The following CCDC70 variants were observed in gnomAD, a reference collection of about 807,000 sequenced individuals.
CCDC70 encodes coiled-coil domain-containing protein 70.
CCDC70 carries 4 observed loss-of-function variants against 9.1 expected under a neutral mutation model. The ratio of observed to expected loss-of-function variants is 0.44; its 90% CI spans 0.22 to 1.00. The LOEUF (loss-of-function observed/expected upper bound fraction) is 1.00, where lower values mean the gene tolerates loss of function less well. CCDC70 is among the 50% of genes least tolerant of loss of function. The probability of loss-of-function intolerance (pLI) is 0.25; values close to 1 mark genes in which losing one functional copy is unlikely to be tolerated. For missense variants in CCDC70, 308 were observed against 271.3 expected, an observed-to-expected ratio of 1.14 and a Z score of -0.95; for synonymous variants, 119 against 94.0, an observed-to-expected ratio of 1.27 and a Z score of -1.54.
At chr13:51,863,452 C>G (rs1020041563) in intron 1 of CCDC70, among the ~76,000 whole-genome samples, 1 of 152,126 alleles carries the variant, frequency 6.6e-6, no homozygotes, top group Non-Finnish European at 1.5e-5. Context: ...CTGGCCTGAC[C>G]TGGCTGTCAT....
At chr13:51,865,175 C>G (rs563582262) in intron 1 of CCDC70, among the ~76,000 whole-genome samples, 157 bp from the exon 2 acceptor site, 2 of 152,338 alleles carry the variant, frequency 1.3e-5, no homozygotes, top group Admixed American at 1.3e-4. Context: ...AAGCCATGAC[C>G]ACCCCACATG....
At chr13:51,864,867 T>C (rs887663428) in intron 1 of CCDC70, among the ~76,000 whole-genome samples, 1 of 152,156 alleles carries the variant, frequency 6.6e-6, no homozygotes, top group African/African-American at 2.4e-5. Flanking sequence ...ACTCCTCTCC[T>C]AAAATACACT....
chr13:51,863,672 GACACAC>G (rs35041555), intron 1 of CCDC70, among the ~76,000 whole-genome samples: 15,717 of 134,188 alleles, frequency 0.12, 854 homozygotes, highest in African/African-American at 0.13. Context: ...CGCGCACACA[GACACAC>G]ACACACACAC....
Position 51,866,074 on chromosome 13 carries a change from G to C in CCDC70, c.663G>C (p.Arg221Ser). ...GCTTGCTGGCCTTCTCCCGAGGCAG[G>C]GCGTAGCCAGCATGCAGGTGCAGGG... ...GQRLLAFSRG[R>S]A Residue 221 changes from arginine (R) to serine (S), a missense_variant, in exon 2 of 2, where the codon AGG (arginine) becomes AGC (serine). Coordinates refer to ENST00000242819, the MANE Select transcript of CCDC70 (RefSeq NM_031290.4). 2.5e-6 allele frequency: 4 copies of C among 1,569,830 alleles called. No individual in the cohort carries two copies. Among genetic ancestry groups the C allele is most frequent in the Non-Finnish European group, 3.4e-6 (4 of 1,160,840 alleles).
intron 1 of CCDC70, among the ~76,000 whole-genome samples, chr13:51,862,461 A>T (rs1219932521): frequency 6.6e-6 from 1 of 152,154 alleles, no homozygotes; most frequent in African/African-American, 2.4e-5. Flanking sequence ...TTTCTTTCTT[A>T]AAGAAAGTTT....
chr13:51,866,045 C>G lies in CCDC70; in HGVS notation c.634C>G (p.Gln212Glu). 6.3e-7 allele frequency: 1 copy of G among 1,597,562 alleles called. No homozygotes were observed. The highest frequency in any genetic ancestry group is 1.1e-5 in the South Asian group (1 of 88,706). The change falls in exon 2 of 2, where the codon CAG (glutamine) becomes GAG (glutamate). Residue 212 changes from glutamine (Q) to glutamate (E), a missense_variant. Physicochemically the swap from Gln to Glu is conservative, Grantham distance 29. Coordinates refer to ENST00000242819, the MANE Select transcript of CCDC70 (RefSeq NM_031290.4). ...TGGGCCCCACAACGCCAACAGAGGG[C>G]AGCGCTTGCTGGCCTTCTCCCGAGG... ...EDGPHNANRG[Q>E]RLLAFSRGRA
intron 1 of CCDC70, among the ~76,000 whole-genome samples, chr13:51,862,917 A>ATAG (rs1956392309): frequency 6.6e-6 from 1 of 152,236 alleles, no homozygotes; most frequent in Non-Finnish European, 1.5e-5. Context: ...ATATTATGAT[A>ATAG]GCTGCTGGGT....
At chr13:51,863,430 GTTA>G (rs1956395653) in intron 1 of CCDC70, among the ~76,000 whole-genome samples, 1 of 152,196 alleles carries the variant, frequency 6.6e-6, no homozygotes, top group South Asian at 2.1e-4. Flanking sequence ...CAGCGAGACT[GTTA>G]CAGGCATCCT....
At chr13:51,862,402 A>G (rs1956389113) in intron 1 of CCDC70, among the ~76,000 whole-genome samples, 173 bp downstream of exon 1, 1 of 152,164 alleles carries the variant, frequency 6.6e-6, no homozygotes, top group Admixed American at 6.5e-5. Context: ...TTTATATTGT[A>G]CTTTATATTT....
chr13:51,863,665 GCACA>G (rs1173463252), intron 1 of CCDC70, among the ~76,000 whole-genome samples: 1 of 103,766 alleles, frequency 9.6e-6, no homozygotes, highest in East Asian at 2.6e-4. Context: ...ATATGCACGC[GCACA>G]CAGACACACA....
rs1019436189 is a variant in CCDC70 at position 51,865,693 on chromosome 13, A to G, written c.282A>G (p.Lys94=). The change falls in exon 2 of 2, where the codon AAA becomes AAG. Residue 94 remains lysine (K), a synonymous_variant. Transcript: ENST00000242819. ...EEEKTFWKEE[K]SFWEMEKSFR... Reference sequence around the variant, plus strand: ...AGAAAACCTTCTGGAAAGAGGAAAAATCCTTCTGGGAAATGGAAAAGTCTT... The same window carrying G: ...AGAAAACCTTCTGGAAAGAGGAAAAGTCCTTCTGGGAAATGGAAAAGTCTT... The G allele has an allele frequency of 6.2e-7, 1 of 1,614,144 alleles. No individual in the cohort carries two copies. The highest frequency in any genetic ancestry group is 8.5e-7 in the Non-Finnish European group (1 of 1,180,034).
At position 51,865,865 on chromosome 13, in the gene CCDC70, CTG is replaced by C; in HGVS notation, c.457_458del (p.Trp153GlyfsTer8). 1 of 1,613,680 alleles carries C rather than the reference CTG, an allele frequency of 6.2e-7. No homozygotes were observed. The highest frequency in any genetic ancestry group is 8.5e-7 in the Non-Finnish European group (1 of 1,179,868). On this transcript the variant is annotated frameshift_variant, in exon 2 of 2. Transcript: ENST00000242819. LOFTEE classifies it low-confidence loss of function (END_TRUNC). ...GGCCCTGTGGGAGGAAGAAAAGGCC[CTG>C]TGGGTAGAGGAAAGAGCCCTCCTTG... ...DKALWEEEKA[L>X]WVEERALLEG...
Position 51,865,958 on chromosome 13 carries a change from G to A in CCDC70, c.547G>A (p.Glu183Lys). 2 of 1,614,162 alleles carry A rather than the reference G, an allele frequency of 1.2e-6. No homozygotes were observed. Among genetic ancestry groups the A allele is most frequent in the Non-Finnish European group, 1.7e-6 (2 of 1,180,024 alleles). Residue 183 changes from glutamate to lysine, a missense_variant, in exon 2 of 2, where the codon GAA (glutamate) becomes AAA (lysine). Physicochemically the swap from Glu to Lys is moderately conservative, Grantham distance 56 (BLOSUM62 1). Coordinates refer to ENST00000242819, the MANE Select transcript of CCDC70 (RefSeq NM_031290.4). The stretch of plus-strand genomic sequence containing the variant: ...GGAGGAAGAGAATGCCCTCTGGGAG[G>A]AAGAGAGGGCCTTCTGGATGGAGAA... Reference protein sequence around the residue: ...LWEEENALWEEERAFWMENNG... With the variant: ...LWEEENALWEKERAFWMENNG...
intron 1 of CCDC70, among the ~76,000 whole-genome samples, chr13:51,863,850 G>A (rs1956400384): frequency 2.0e-5 from 3 of 152,256 alleles, no homozygotes; most frequent in Middle Eastern, 6.8e-3. Context: ...GCCGGACCCT[G>A]GCAGCTTCCT....
intron 1 of CCDC70, among the ~76,000 whole-genome samples, chr13:51,863,583 C>T (rs1022301342): frequency 2.0e-5 from 3 of 151,786 alleles, no homozygotes; most frequent in African/African-American, 4.8e-5. Context: ...AGGATGTGCC[C>T]CTGGTTCTGG....
Position 51,866,056 on chromosome 13 carries a change from G to C in CCDC70, c.645G>C (p.Leu215=), listed in dbSNP as rs1956422831. Residue 215 remains leucine, a synonymous_variant, in exon 2 of 2, where the codon CTG becomes CTC. Coordinates refer to ENST00000242819, the MANE Select transcript of CCDC70 (RefSeq NM_031290.4). ...PHNANRGQRL[L]AFSRGRA is the part of the protein sequence containing the mutation. ...ACGCCAACAGAGGGCAGCGCTTGCT[G>C]GCCTTCTCCCGAGGCAGGGCGTAGC... is the stretch of plus-strand genomic sequence containing the variant. 6.3e-7 allele frequency: 1 copy of C among 1,588,862 alleles called. No individual in the cohort carries two copies. Among genetic ancestry groups the C allele is most frequent in the Non-Finnish European group, 8.6e-7 (1 of 1,169,582 alleles).
chr13:51,865,486 T>G lies in CCDC70; in HGVS notation c.75T>G (p.Ile25Met), dbSNP rs1233232631. The change falls in exon 2 of 2, where the codon ATT becomes ATG. Residue 25 changes from isoleucine (I) to methionine (M), a missense_variant. Transcript: ENST00000242819. ...FRSLAASSPSIRQKKLMHKLQ... is the reference protein window; with the variant it reads ...FRSLAASSPSMRQKKLMHKLQ... ...CCCTGGCGGCATCCTCTCCCAGTAT[T>G]CGCCAGAAGAAACTAATGCACAAGC... The G allele has an allele frequency of 6.2e-7, 1 of 1,614,186 alleles. No homozygotes were observed. The highest frequency in any genetic ancestry group is 2.2e-5 in the East Asian group (1 of 44,888).
At chr13:51,862,297 CT>C (rs1956388566) in intron 1 of CCDC70, 68 bp downstream of exon 1, 1 of 152,174 alleles carries the variant, frequency 6.6e-6, no homozygotes, top group South Asian at 2.1e-4. Context: ...TAATATTTTC[CT>C]TAAAAAGAAG....
rs1801949687 is a variant in CCDC70 at position 51,865,850 on chromosome 13, G to A, written c.439G>A (p.Glu147Lys). 13 of 1,613,872 alleles carry A rather than the reference G, an allele frequency of 8.1e-6. No individual in the cohort carries two copies. The highest frequency in any genetic ancestry group is 1.1e-5 in the Non-Finnish European group (13 of 1,179,956). Residue 147 changes from glutamate to lysine, a missense_variant, in exon 2 of 2, where the codon GAG becomes AAG. By Grantham distance (56) the Glu-to-Lys change is moderately conservative. Coordinates refer to ENST00000242819, the MANE Select transcript of CCDC70 (RefSeq NM_031290.4). ...TCTTCAGGAGGACAAGGCCCTGTGG[G>A]AGGAAGAAAAGGCCCTGTGGGTAGA... ...NLLQEDKALW[E>K]EEKALWVEER... is the part of the protein sequence containing the mutation.
Sources: allele counts gnomAD v4.1 joint callset (sites outside exome capture counted in the v4.1 genomes callset), GRCh38; gene constraint gnomAD v4.1.1; transcripts MANE v1.5; gene names NCBI Gene and HGNC (gene_info 2026-07-23, HGNC 2026-07-21).